Variants in ST8SIA6 observed in about 807,000 individuals in gnomAD.
The protein encoded by ST8SIA6 is ST8 alpha-N-acetyl-neuraminide alpha-2,8-sialyltransferase 6, also known as alpha-2,8-sialyltransferase 8F.
Under a neutral mutation model 33.6 loss-of-function variants are expected in ST8SIA6, and 39 were observed. That is an observed-to-expected ratio of 1.16 (90% CI 0.90 to 1.52). The LOEUF (loss-of-function observed/expected upper bound fraction) is 1.52, where lower values mean the gene tolerates loss of function less well. Among genes scored for constraint, ST8SIA6 ranks in the 40% most tolerant of loss-of-function variants. The probability of loss-of-function intolerance (pLI) is 0.00; values close to 1 mark genes in which losing one functional copy is unlikely to be tolerated. For synonymous variants in ST8SIA6, 172 were observed against 167.2 expected, an observed-to-expected ratio of 1.03 and a Z score of -0.22; for missense variants, 441 against 443.8, an observed-to-expected ratio of 0.99 and a Z score of 0.06.
chr10:17,352,334 T>C (rs1336961236), intron 4 of ST8SIA6, among the ~76,000 whole-genome samples: 4 of 152,110 alleles, frequency 2.6e-5, no homozygotes, highest in African/African-American at 9.7e-5. Context: ...GAGTAGAGTG[T>C]CAGAACTAAC....
intron 4 of ST8SIA6, among the ~76,000 whole-genome samples, chr10:17,340,697 A>G (rs1249164089): frequency 6.6e-6 from 1 of 152,194 alleles, no homozygotes; most frequent in African/African-American, 2.4e-5. Flanking sequence ...TTCCAGCAAA[A>G]CCATGGTGTG....
intron 4 of ST8SIA6, among the ~76,000 whole-genome samples, chr10:17,351,268 G>A (rs1849020161): frequency 6.6e-6 from 1 of 151,684 alleles, no homozygotes; most frequent in Non-Finnish European, 1.5e-5. Context: ...AATGGATATT[G>A]AGAATTCCAA....
chr10:17,352,779 A>G (rs1349162563), intron 4 of ST8SIA6, among the ~76,000 whole-genome samples: 2 of 152,124 alleles, frequency 1.3e-5, no homozygotes, highest in African/African-American at 2.4e-5. Context: ...AAGTAATGAC[A>G]TGGTGTGGTT....
intron 2 of ST8SIA6, among the ~76,000 whole-genome samples, chr10:17,415,274 G>A (rs1202491230): frequency 6.6e-6 from 1 of 152,158 alleles, no homozygotes; most frequent in Non-Finnish European, 1.5e-5. Context: ...GAGAGCACAT[G>A]GAGAGCAGCA....
intron 2 of ST8SIA6, among the ~76,000 whole-genome samples, chr10:17,393,258 G>A (rs1310855797): frequency 6.6e-6 from 1 of 152,168 alleles, no homozygotes; most frequent in Non-Finnish European, 1.5e-5. Flanking sequence ...CTTTCCTGGG[G>A]CTCCAGCTTG....
intron 2 of ST8SIA6, among the ~76,000 whole-genome samples, chr10:17,404,064 CA>C (rs964237726): frequency 0.12 from 6,759 of 56,670 alleles, 84 homozygotes; most frequent in South Asian, 0.15. Flanking sequence ...GACACTGTCT[CA>C]AAAAAAAAAA....
chr10:17,332,275 G>A (rs1035973517), intron 4 of ST8SIA6, among the ~76,000 whole-genome samples: 10 of 152,096 alleles, frequency 6.6e-5, no homozygotes, highest in African/African-American at 1.9e-4. Flanking sequence ...TGCCTTTATA[G>A]TAAAATGATT....
At chr10:17,432,227 C>T (rs1588919953) in intron 2 of ST8SIA6, among the ~76,000 whole-genome samples, 1 of 152,292 alleles carries the variant, frequency 6.6e-6, no homozygotes, top group East Asian at 1.9e-4. Flanking sequence ...TTTTTAATGA[C>T]TCACCAGCCT....
At chr10:17,325,810 G>A (rs1848113225) in intron 6 of ST8SIA6, among the ~76,000 whole-genome samples, 3 of 152,170 alleles carry the variant, frequency 2.0e-5, no homozygotes, top group African/African-American at 7.2e-5. Flanking sequence ...TAGAAACATA[G>A]ACAGTTATTT....
chr10:17,341,246 C>G (rs886646651), intron 4 of ST8SIA6, among the ~76,000 whole-genome samples: 1 of 152,120 alleles, frequency 6.6e-6, no homozygotes, highest in Non-Finnish European at 1.5e-5. Flanking sequence ...GCCTAGTGTG[C>G]TTGGATCTGT....
intron 2 of ST8SIA6, among the ~76,000 whole-genome samples, chr10:17,448,772 C>T (rs568717770): frequency 2.1e-3 from 310 of 149,492 alleles, no homozygotes; most frequent in African/African-American, 7.2e-3. Flanking sequence ...CCCGCCACCA[C>T]GCCAGGCTAA....
chr10:17,406,290 G>A (rs1189493799), intron 2 of ST8SIA6, among the ~76,000 whole-genome samples: 1 of 152,110 alleles, frequency 6.6e-6, no homozygotes, highest in Non-Finnish European at 1.5e-5. Context: ...CCTTTTATCA[G>A]CTCAGCAACA....
intron 3 of ST8SIA6, among the ~76,000 whole-genome samples, chr10:17,386,051 C>T (rs1176041159): frequency 2.0e-5 from 3 of 152,194 alleles, no homozygotes; most frequent in South Asian, 2.1e-4. Context: ...CATGGTGGCA[C>T]GCACCTGTCT....
At chr10:17,396,352 G>A (rs535864292) in intron 2 of ST8SIA6, among the ~76,000 whole-genome samples, 47 of 152,288 alleles carry the variant, frequency 3.1e-4, no homozygotes, top group African/African-American at 1.0e-3. Flanking sequence ...AATTCATAGT[G>A]TCCAATTTGT....
At chr10:17,347,138 A>C (rs1476211775) in intron 4 of ST8SIA6, among the ~76,000 whole-genome samples, 1 of 152,236 alleles carries the variant, frequency 6.6e-6, no homozygotes, top group Non-Finnish European at 1.5e-5. Context: ...AACCACATCT[A>C]CAAAATACAT....
chr10:17,408,083 A>G (rs41299056), intron 2 of ST8SIA6: 6,758 of 152,730 alleles, frequency 0.044, 208 homozygotes, highest in Non-Finnish European at 0.061. Flanking sequence ...GTTCTGCTAC[A>G]GAGAAGAGAG....
chr10:17,433,286 C>T (rs1477536913), intron 2 of ST8SIA6, among the ~76,000 whole-genome samples: 1 of 152,110 alleles, frequency 6.6e-6, no homozygotes, highest in Non-Finnish European at 1.5e-5. Flanking sequence ...CAAGTTGTTA[C>T]ACACACACCC....
chr10:17,379,220 C>G (rs1850037499), intron 3 of ST8SIA6, among the ~76,000 whole-genome samples: 1 of 151,634 alleles, frequency 6.6e-6, no homozygotes, highest in Admixed American at 6.6e-5. Flanking sequence ...TAGTAGGGGA[C>G]TATTAACAGC....
At chr10:17,445,525 G>A (rs901565283) in intron 2 of ST8SIA6, among the ~76,000 whole-genome samples, 3 of 152,160 alleles carry the variant, frequency 2.0e-5, no homozygotes, top group East Asian at 1.9e-4. Context: ...TCCTCCCACC[G>A]TCTGCCTTTC....
Sources: gnomAD v4.1 joint callset for allele counts (sites outside exome capture counted in the v4.1 genomes callset) on GRCh38, gnomAD v4.1.1 for gene constraint, MANE v1.5 for transcripts, NCBI Gene and HGNC (gene_info 2026-07-23, HGNC 2026-07-21) for gene names.